The following SPAG16 variants were observed in gnomAD, a reference collection of about 807,000 sequenced individuals.
The protein encoded by SPAG16 is sperm-associated antigen 16 protein.
In SPAG16, 86 loss-of-function variants were observed where a neutral mutation model predicts 80.4. The observed-to-expected ratio is 1.07, with a 90% CI of 0.90 to 1.28. The LOEUF is 1.28. Among genes scored for constraint, SPAG16 ranks in the 50% most tolerant of loss-of-function variants. SPAG16 has a pLI of 0.00. For missense variants in SPAG16, 870 were observed against 765.3 expected (o/e 1.14, Z -1.61); for synonymous variants, 294 against 265.9 (o/e 1.11, Z -1.03).
chr2:214,158,147 G>A (rs901520235), intron 15 of SPAG16, among the ~76,000 whole-genome samples: 2 of 151,950 alleles, frequency 1.3e-5, no homozygotes, highest in African/African-American at 4.8e-5. Context: ...TTTTGATTAG[G>A]TGACGTTATC....
intron 13 of SPAG16, among the ~76,000 whole-genome samples, chr2:214,095,993 T>G (rs114999025): frequency 0.025 from 3,774 of 152,086 alleles, 105 homozygotes; most frequent in South Asian, 0.15. Flanking sequence ...GTAAAACAAT[T>G]TTCTGAATTT....
chr2:213,370,311 G>A (rs1273829251), intron 8 of SPAG16, among the ~76,000 whole-genome samples: 3 of 152,146 alleles, frequency 2.0e-5, no homozygotes, highest in Non-Finnish European at 4.4e-5. Context: ...ACAAATGTAT[G>A]CCTGTTGAAT....
At chr2:213,687,127 G>T (rs2064718520) in intron 10 of SPAG16, among the ~76,000 whole-genome samples, 1 of 151,774 alleles carries the variant, frequency 6.6e-6, no homozygotes, top group Non-Finnish European at 1.5e-5. Context: ...TTTGGTGGTT[G>T]TTTCTTGCTT....
intron 10 of SPAG16, among the ~76,000 whole-genome samples, chr2:213,493,352 G>T (rs576890408): frequency 6.6e-6 from 1 of 152,270 alleles, no homozygotes; most frequent in East Asian, 1.9e-4. Context: ...TAAAATAAAT[G>T]CATATTAAAA....
chr2:213,981,107 C>A (rs1221059861), intron 12 of SPAG16, among the ~76,000 whole-genome samples: 1 of 152,010 alleles, frequency 6.6e-6, no homozygotes, highest in Non-Finnish European at 1.5e-5. Context: ...TAGCTCTGTT[C>A]CTGTTGTGTA....
chr2:213,869,637 C>T (rs889379770), intron 11 of SPAG16, among the ~76,000 whole-genome samples: 35 of 113,916 alleles, frequency 3.1e-4, no homozygotes, highest in African/African-American at 9.7e-4. Flanking sequence ...CAGCATACTG[C>T]TTTGAGTAGT....
intron 11 of SPAG16, among the ~76,000 whole-genome samples, chr2:213,900,235 CAG>C (rs2077163507): frequency 6.6e-6 from 1 of 152,078 alleles, no homozygotes; most frequent in African/African-American, 2.4e-5. Context: ...AGATGCATCA[CAG>C]GGGGGATTTT....
At chr2:213,883,532 C>A (rs533099390) in intron 11 of SPAG16, among the ~76,000 whole-genome samples, 1 of 152,248 alleles carries the variant, frequency 6.6e-6, no homozygotes, top group East Asian at 1.9e-4. Context: ...GGTCCATTTG[C>A]TTAAGTGTCA....
At chr2:213,499,437 C>A (rs2074641530) in intron 10 of SPAG16, among the ~76,000 whole-genome samples, 1 of 152,012 alleles carries the variant, frequency 6.6e-6, no homozygotes, top group Non-Finnish European at 1.5e-5. Context: ...ATGAATAGTC[C>A]CTGACAGATA....
intron 8 of SPAG16, among the ~76,000 whole-genome samples, chr2:213,368,013 C>A (rs1575391147): frequency 1.4e-5 from 2 of 147,106 alleles, no homozygotes; most frequent in Non-Finnish European, 3.0e-5. Flanking sequence ...TATGGCTAGC[C>A]AGTTTTCCCA....
At chr2:213,720,742 CTTTTTT>C (rs564036456) in intron 10 of SPAG16, among the ~76,000 whole-genome samples, 71 of 78,948 alleles carry the variant, frequency 9.0e-4, no homozygotes, top group East Asian at 2.2e-3. Context: ...GAAGTAAGTC[CTTTTTT>C]TTTTTTTTTT....
At chr2:213,913,685 G>T in intron 11 of SPAG16, among the ~76,000 whole-genome samples, 3 of 135,244 alleles carry the variant, frequency 2.2e-5, no homozygotes, top group Non-Finnish European at 3.2e-5. Flanking sequence ...GGATATATAT[G>T]CATACACATA....
chr2:214,203,427 G>T (rs1449677377), intron 15 of SPAG16, among the ~76,000 whole-genome samples: 1 of 152,108 alleles, frequency 6.6e-6, no homozygotes, highest in Non-Finnish European at 1.5e-5. Context: ...AAAGCCGAGA[G>T]AATCCACAGA....
At chr2:214,367,107 A>G (rs1699527144) in intron 15 of SPAG16, among the ~76,000 whole-genome samples, 1 of 152,170 alleles carries the variant, frequency 6.6e-6, no homozygotes, top group South Asian at 2.1e-4. Flanking sequence ...TGGCAGAGAC[A>G]AAATTCTTGT....
chr2:214,309,946 T>C (rs1261360752), intron 15 of SPAG16, among the ~76,000 whole-genome samples: 1 of 152,166 alleles, frequency 6.6e-6, no homozygotes, highest in African/African-American at 2.4e-5. Flanking sequence ...GGCTGGTTTA[T>C]TTTTTGTTGG....
chr2:214,142,079 T>C (rs963242682), intron 14 of SPAG16, among the ~76,000 whole-genome samples: 2 of 152,112 alleles, frequency 1.3e-5, no homozygotes, highest in Non-Finnish European at 2.9e-5. Flanking sequence ...TGCTTTTATC[T>C]TTCAATCTCT....
chr2:213,355,587 G>A lies in SPAG16; in HGVS notation c.762+4942G>A, dbSNP rs139303683. On this transcript the variant is annotated intron_variant, in intron 7 of 15. Coordinates refer to ENST00000331683, the MANE Select transcript of SPAG16 (RefSeq NM_024532.5). ...CTTGAAGACGTCCTTTACATCCCTT[G>A]TAAGTTGGATTCCTAGGTATTTTAT... 8.0e-3 allele frequency among the ~76,000 whole-genome samples: 1,213 copies of A among 152,244 alleles called. 15 individuals carry two copies. The highest frequency in any genetic ancestry group is 0.028 in the African/African-American group (1,165 of 41,532).
chr2:213,878,326 A>G (rs989440202), intron 11 of SPAG16, among the ~76,000 whole-genome samples: 3 of 152,060 alleles, frequency 2.0e-5, no homozygotes, highest in African/African-American at 7.2e-5. Flanking sequence ...TTTCCTTCTT[A>G]TCATTGCCAA....
At chr2:213,846,714 A>T (rs1462513311) in intron 10 of SPAG16, among the ~76,000 whole-genome samples, 1 of 152,138 alleles carries the variant, frequency 6.6e-6, no homozygotes, top group African/African-American at 2.4e-5. Flanking sequence ...TTTAAATTTA[A>T]TTTCCTTTGT....
Sources: gnomAD v4.1 joint callset for allele counts (sites outside exome capture counted in the v4.1 genomes callset) on GRCh38, gnomAD v4.1.1 for gene constraint, MANE v1.5 for transcripts, NCBI Gene and HGNC (gene_info 2026-07-23, HGNC 2026-07-21) for gene names.